Variants in VSNL1 observed in about 807,000 individuals in gnomAD.
VSNL1 encodes visinin-like protein 1.
A neutral mutation model predicts 20.4 loss-of-function variants in VSNL1; 6 were observed. The ratio of observed to expected loss-of-function variants is 0.29; its 90% CI spans 0.16 to 0.58. The LOEUF (loss-of-function observed/expected upper bound fraction) is 0.58, where lower values mean the gene tolerates loss of function less well. VSNL1 is among the 20% of genes least tolerant of loss of function. The pLI is 0.90. For synonymous variants in VSNL1, 93 were observed against 86.4 expected (o/e 1.08, Z -0.42); for missense variants, 100 against 234.5 (o/e 0.43, Z 3.75).
chr2:17,653,751 G>A (rs1666168832), intron 3 of VSNL1, among the ~76,000 whole-genome samples: 1 of 152,188 alleles, frequency 6.6e-6, no homozygotes, highest in Admixed American at 6.5e-5. Context: ...ATAACTTACA[G>A]ACCATAAATT....
At position 17,552,055 on chromosome 2, in the gene VSNL1, C is replaced by T. The variant is rs1410486241; in HGVS notation, c.-6+11137C>T. On this transcript the variant is annotated intron_variant, in intron 1 of 3. Coordinates refer to ENST00000295156, the MANE Select transcript of VSNL1 (RefSeq NM_003385.5). ...CTCCTAAAAAATACAAAAAAATTAG[C>T]AGGGCGTGGTGGCGGGTGCCTGTAG... Among the ~76,000 whole-genome samples, 4 of 151,324 alleles carry T rather than the reference C, an allele frequency of 2.6e-5. No individual in the cohort carries two copies. In the East Asian group the frequency reaches 5.8e-4, roughly 22 times the overall value.
chr2:17,578,887 G>A (rs911326116), intron 1 of VSNL1, among the ~76,000 whole-genome samples: 3 of 152,164 alleles, frequency 2.0e-5, no homozygotes, highest in Non-Finnish European at 4.4e-5. Context: ...CATTCCTCTC[G>A]TAACCTTTGG....
Position 17,649,511 on chromosome 2 carries a change from T to C in VSNL1, c.264T>C (p.Ala88=), listed in dbSNP as rs779326792. ...TTGACTTCCGAGAGTTCATCTGCGC[T>C]CTGTCCATCACCTCCAGGGGCAGCT... ...GTIDFREFIC[A]LSITSRGSFE... is the part of the protein sequence containing the mutation. The change falls in exon 3 of 4, where the codon GCT becomes GCC. Residue 88 remains alanine, a synonymous_variant. Coordinates refer to ENST00000295156, the MANE Select transcript of VSNL1 (RefSeq NM_003385.5). The surrounding 1 kb of genome is among the most constrained non-coding windows in gnomAD (Gnocchi z 6.4). The C allele has an allele frequency of 2.5e-6, 4 of 1,614,148 alleles. No homozygotes were observed. In the East Asian group the frequency reaches 8.9e-5, roughly 36 times the overall value.
chr2:17,655,561 A>T lies in VSNL1; in HGVS notation c.*167A>T. ...TCTTGTGTTTGAAACACTCGTGTGC[A>T]TGAGAATGTCATTTGCTAATGAATT... On this transcript the variant is annotated 3_prime_UTR_variant, in exon 4 of 4. Transcript: ENST00000295156. This position sits in a 1 kb window ranked among gnomAD's most constrained non-coding sequence, Gnocchi z 5.2. The T allele has an allele frequency of 1.6e-6, 1 of 627,684 alleles. No individual in the cohort carries two copies. The highest frequency in any genetic ancestry group is 2.8e-5 in the East Asian group (1 of 35,624). 38.9% of individuals were successfully genotyped at this position (627,684 alleles called of 1,614,324 possible). A position where few individuals can be genotyped will look rare whatever the true frequency, so the allele number is the denominator to read the frequency against.
chr2:17,566,052 C>G (rs1387377079), intron 1 of VSNL1, among the ~76,000 whole-genome samples: 2 of 152,150 alleles, frequency 1.3e-5, no homozygotes, highest in Non-Finnish European at 2.9e-5. Context: ...TCAAATAAAC[C>G]TCTTTTTTTT....
chr2:17,610,818 C>G (rs1394110505), intron 2 of VSNL1, among the ~76,000 whole-genome samples: 2 of 152,188 alleles, frequency 1.3e-5, no homozygotes, highest in African/African-American at 4.8e-5. Flanking sequence ...TCTAGCCAGG[C>G]AAGGGCCACA....
intron 1 of VSNL1, among the ~76,000 whole-genome samples, chr2:17,542,576 C>T (rs1306241261): frequency 6.6e-6 from 1 of 152,172 alleles, no homozygotes; most frequent in Non-Finnish European, 1.5e-5. Context: ...AAGAACCTCT[C>T]ATTGGAAATC....
chr2:17,544,161 T>C lies in VSNL1; in HGVS notation c.-6+3243T>C, dbSNP rs528903334. 2.6e-5 allele frequency among the ~76,000 whole-genome samples: 4 copies of C among 152,276 alleles called. No homozygotes were observed. The South Asian group carries it at 8.3e-4, about 32-fold the overall frequency. On this transcript the variant is annotated intron_variant, in intron 1 of 3. Transcript: ENST00000295156. ...AAGAGTAGGTAACTACTCTTGGAAG[T>C]TGTTGAAGCTTTTAAGAAGCAAAGT...
intron 1 of VSNL1, among the ~76,000 whole-genome samples, chr2:17,545,173 A>G (rs762799162): frequency 1.3e-5 from 2 of 152,166 alleles, no homozygotes; most frequent in East Asian, 3.8e-4. Context: ...AGTTGCATGT[A>G]CCTTGTTAAT....
intron 2 of VSNL1, among the ~76,000 whole-genome samples, chr2:17,608,741 C>T (rs1006225811): frequency 6.6e-6 from 1 of 152,142 alleles, no homozygotes; most frequent in African/African-American, 2.4e-5. Context: ...AATAATAATA[C>T]ATATCAGGCA....
chr2:17,557,098 CT>C lies in VSNL1; in HGVS notation c.-6+16183del, dbSNP rs201503421. On this transcript the variant is annotated intron_variant, in intron 1 of 3. Coordinates refer to ENST00000295156, the MANE Select transcript of VSNL1 (RefSeq NM_003385.5). ...TCTTTGCCAAGGACTCTGCCAAGCG[CT>C]TTACATGCATACTACCTCACTCATT... Among the ~76,000 whole-genome samples, 1,384 of 152,192 alleles carry C rather than the reference CT, an allele frequency of 9.1e-3. 11 individuals carry two copies. The highest frequency in any genetic ancestry group is 0.031 in the Middle Eastern group (9 of 294).
chr2:17,576,997 T>C (rs1664229520), intron 1 of VSNL1, among the ~76,000 whole-genome samples: 1 of 152,236 alleles, frequency 6.6e-6, no homozygotes, highest in South Asian at 2.1e-4. Flanking sequence ...TAGAGAGTCC[T>C]TACACATACC....
chr2:17,575,098 G>T (rs1411002122), intron 1 of VSNL1, among the ~76,000 whole-genome samples: 2 of 152,032 alleles, frequency 1.3e-5, no homozygotes, highest in Non-Finnish European at 2.9e-5. Flanking sequence ...AAAGTGCTGG[G>T]ATTACAGGCA....
chr2:17,645,247 C>A (rs1354015498), intron 2 of VSNL1, among the ~76,000 whole-genome samples: 3 of 152,260 alleles, frequency 2.0e-5, no homozygotes, highest in Non-Finnish European at 4.4e-5. Flanking sequence ...CCTGACACAG[C>A]ACATCAGCTG....
At chr2:17,554,405 G>A (rs1041538636) in intron 1 of VSNL1, among the ~76,000 whole-genome samples, 4 of 152,146 alleles carry the variant, frequency 2.6e-5, no homozygotes, top group African/African-American at 7.2e-5. Flanking sequence ...GGATACCACC[G>A]ATTGTTATCA....
At chr2:17,640,696 CTTT>C (rs1427349036) in intron 2 of VSNL1, among the ~76,000 whole-genome samples, 2 of 151,260 alleles carry the variant, frequency 1.3e-5, no homozygotes, top group Admixed American at 6.6e-5. Flanking sequence ...CTTTTTTTTT[CTTT>C]TATTTTTATT....
chr2:17,590,040 C>A (rs557467838), intron 1 of VSNL1, among the ~76,000 whole-genome samples: 14 of 152,138 alleles, frequency 9.2e-5, no homozygotes, highest in Non-Finnish European at 2.1e-4. Flanking sequence ...TCTAGCTCCG[C>A]CATGCATTAA....
At chr2:17,570,421 A>G (rs1374343995) in intron 1 of VSNL1, among the ~76,000 whole-genome samples, 1 of 152,234 alleles carries the variant, frequency 6.6e-6, no homozygotes, top group African/African-American at 2.4e-5. Context: ...TAGGCCCATT[A>G]TGAAATACCT....
At chr2:17,605,324 C>T (rs1008551554) in intron 2 of VSNL1, among the ~76,000 whole-genome samples, 1 of 152,200 alleles carries the variant, frequency 6.6e-6, no homozygotes, top group African/African-American at 2.4e-5. Context: ...GTCTTGGCCT[C>T]CAATCCATGT....
Sources: allele counts gnomAD v4.1 joint callset (sites outside exome capture counted in the v4.1 genomes callset), GRCh38; gene constraint gnomAD v4.1.1; non-coding constraint Gnocchi (gnomAD v3.1); transcripts MANE v1.5; gene names NCBI Gene and HGNC (gene_info 2026-07-23, HGNC 2026-07-21).